RANBP2: variants seen among roughly 807,000 people sequenced by gnomAD.
RANBP2 encodes RAN binding protein 2.
In RANBP2, 57 loss-of-function variants were observed where a neutral mutation model predicts 303.6. That is an observed-to-expected ratio of 0.19 (90% CI 0.15 to 0.23). The LOEUF (loss-of-function observed/expected upper bound fraction) is 0.23, where lower values mean the gene tolerates loss of function less well. Ranked by LOEUF, RANBP2 falls within the 10% of genes least tolerant of loss-of-function variation. RANBP2 has a pLI of 1.00. For missense variants in RANBP2, 3,138 were observed against 3,780.8 expected (o/e 0.83, Z 4.46); for synonymous variants, 1,167 against 1,301.5 (o/e 0.90, Z 2.23).
the RANBP2 span, among the ~76,000 whole-genome samples, chr2:108,963,117 T>C: frequency 1.3e-5 from 2 of 152,202 alleles, no homozygotes; most frequent in South Asian, 4.1e-4. Flanking sequence ...CGCAAACTGC[T>C]GTACACCCCT....
At chr2:109,059,184 G>A in the RANBP2 span, among the ~76,000 whole-genome samples, 1 of 152,092 alleles carries the variant, frequency 6.6e-6, no homozygotes, top group Non-Finnish European at 1.5e-5. Context: ...GGAAACAGAG[G>A]CCCCTCTACT....
At chr2:108,897,279 A>T in the RANBP2 span, 18 of 1,520,576 alleles carry the variant, frequency 1.2e-5, no homozygotes, top group Non-Finnish European at 1.6e-5. Context: ...CAGTCAATAG[A>T]AGGTCAACAC....
At chr2:109,729,671 C>T in the RANBP2 span, among the ~76,000 whole-genome samples, 1 of 151,936 alleles carries the variant, frequency 6.6e-6, no homozygotes, top group South Asian at 2.1e-4. Context: ...AAAACAAAAA[C>T]AAAACACTAT....
chr2:109,518,393 G>A, the RANBP2 span, among the ~76,000 whole-genome samples: 826 of 152,296 alleles, frequency 5.4e-3, 6 homozygotes, highest in African/African-American at 0.019. Flanking sequence ...ACAAATGGGA[G>A]AGCAGGGGTT....
chr2:109,719,916 T>C, the RANBP2 span, among the ~76,000 whole-genome samples: 2 of 152,140 alleles, frequency 1.3e-5, no homozygotes, highest in Non-Finnish European at 2.9e-5. Flanking sequence ...TTGACCAACA[T>C]TTATGTAGAT....
chr2:108,895,912 C>G, the RANBP2 span: 1 of 152,228 alleles, frequency 6.6e-6, no homozygotes, highest in Admixed American at 6.5e-5. Flanking sequence ...TTATGCGTGG[C>G]TGAACTCTTA....
At chr2:108,816,326 C>T in the RANBP2 span, among the ~76,000 whole-genome samples, 1 of 152,158 alleles carries the variant, frequency 6.6e-6, no homozygotes, top group East Asian at 1.9e-4. Context: ...TGGCACGTGC[C>T]TGTAATCTCA....
At chr2:109,476,793 G>GT in the RANBP2 span, among the ~76,000 whole-genome samples, 102 of 152,252 alleles carry the variant, frequency 6.7e-4, no homozygotes, top group African/African-American at 2.4e-3. Flanking sequence ...CTTTTTTATG[G>GT]TTGTTTCTTG....
At chr2:109,269,335 C>G in the RANBP2 span, among the ~76,000 whole-genome samples, 16 of 152,188 alleles carry the variant, frequency 1.1e-4, no homozygotes, top group African/African-American at 3.4e-4. Context: ...TGCCTTCCCC[C>G]CGGGAGAACA....
At chr2:109,511,946 C>T in the RANBP2 span, among the ~76,000 whole-genome samples, 5 of 152,306 alleles carry the variant, frequency 3.3e-5, no homozygotes, top group East Asian at 5.8e-4. Context: ...CCGATGCACA[C>T]GTACTGCAGA....
the RANBP2 span, among the ~76,000 whole-genome samples, chr2:108,874,671 T>C: frequency 6.6e-6 from 1 of 152,156 alleles, no homozygotes; most frequent in African/African-American, 2.4e-5. Flanking sequence ...GAGATCCATA[T>C]GTTCTATTTG....
At chr2:108,960,069 C>T in the RANBP2 span, among the ~76,000 whole-genome samples, 1 of 152,164 alleles carries the variant, frequency 6.6e-6, no homozygotes, top group African/African-American at 2.4e-5. Flanking sequence ...AAGAGGGAAG[C>T]TGGGTGCTGG....
the RANBP2 span, among the ~76,000 whole-genome samples, chr2:109,505,036 G>C: frequency 6.6e-6 from 1 of 152,190 alleles, no homozygotes; most frequent in Non-Finnish European, 1.5e-5. Flanking sequence ...AACCAGAAGT[G>C]CCTGGTATTA....
the RANBP2 span, chr2:109,502,921 G>A: frequency 6.6e-6 from 1 of 152,206 alleles, no homozygotes; most frequent in South Asian, 2.1e-4. Flanking sequence ...ATTTCAGGCA[G>A]TGCAAACCTT....
chr2:109,739,421 G>A, the RANBP2 span, among the ~76,000 whole-genome samples: 2 of 151,400 alleles, frequency 1.3e-5, 1 homozygote, highest in South Asian at 4.2e-4. Flanking sequence ...TTTCTTGCAT[G>A]AGTTTTCATT....
the RANBP2 span, among the ~76,000 whole-genome samples, chr2:109,414,799 C>T: frequency 2.0e-5 from 3 of 152,306 alleles, no homozygotes; most frequent in South Asian, 2.1e-4. Flanking sequence ...TCCATCTGGC[C>T]AAGGCTAGAA....
At chr2:109,218,671 G>A in the RANBP2 span, among the ~76,000 whole-genome samples, 6 of 152,308 alleles carry the variant, frequency 3.9e-5, no homozygotes, top group Admixed American at 3.9e-4. Flanking sequence ...CGGCCAGCAG[G>A]AGTGAGGGAG....
the RANBP2 span, among the ~76,000 whole-genome samples, chr2:109,219,126 TC>T: frequency 6.6e-6 from 1 of 152,188 alleles, no homozygotes; most frequent in Non-Finnish European, 1.5e-5. Context: ...TTTGTGGAGT[TC>T]CACCTCTCTC....
At chr2:109,485,915 C>T in the RANBP2 span, among the ~76,000 whole-genome samples, 1 of 152,264 alleles carries the variant, frequency 6.6e-6, no homozygotes, top group Non-Finnish European at 1.5e-5. Context: ...ATCTCCTACA[C>T]ACCTACCAGC....
Sources: allele counts gnomAD v4.1 joint callset (sites outside exome capture counted in the v4.1 genomes callset), GRCh38; gene constraint gnomAD v4.1.1; transcripts MANE v1.5; gene names NCBI Gene and HGNC (gene_info 2026-07-23, HGNC 2026-07-21).